RAI1: variants seen among roughly 807,000 people sequenced by gnomAD.
RAI1 encodes retinoic acid induced 1.
Under a neutral mutation model 123.8 loss-of-function variants are expected in RAI1, and 9 were observed. The ratio of observed to expected loss-of-function variants is 0.07; its 90% CI spans 0.04 to 0.13. RAI1 has a LOEUF of 0.13. Among genes scored for constraint, RAI1 ranks in the 10% least tolerant of loss-of-function variants. RAI1 has a pLI of 1.00. For missense variants in RAI1, 2,256 were observed against 2,545.8 expected (o/e 0.89, Z 2.45); for synonymous variants, 1,231 against 1,127.3 (o/e 1.09, Z -1.84).
intron 2 of RAI1, among the ~76,000 whole-genome samples, chr17:17,754,737 G>C (rs1281986480): frequency 6.6e-6 from 1 of 152,216 alleles, no homozygotes; most frequent in Non-Finnish European, 1.5e-5. Context: ...AAGCGTTTTT[G>C]GGCAGTGGTT....
chr17:17,785,200 G>T (rs1217727689), intron 2 of RAI1, among the ~76,000 whole-genome samples: 3 of 152,226 alleles, frequency 2.0e-5, no homozygotes, highest in Non-Finnish European at 4.4e-5. Context: ...TAGGGGCTCT[G>T]GAGGAGACAG....
intron 2 of RAI1, among the ~76,000 whole-genome samples, chr17:17,761,777 G>C (rs2030706657): frequency 6.6e-6 from 1 of 152,156 alleles, no homozygotes; most frequent in Non-Finnish European, 1.5e-5. Context: ...CCAGGCCAAG[G>C]AGGCAGGGAC....
In RAI1 at chr17:17,796,912, C is replaced by A; in HGVS notation, c.3964C>A (p.Arg1322=). The A allele has an allele frequency of 1.2e-6, 2 of 1,613,400 alleles. No individual in the cohort carries two copies. Among genetic ancestry groups the A allele is most frequent in the Non-Finnish European group, 1.7e-6 (2 of 1,180,034 alleles). ...CATGAAGACCAAGGTGCTGCCACCC[C>A]GGAAGGGCCGGGGCCTGAAGCTGGA... ...GAMKTKVLPP[R]KGRGLKLEAI... Residue 1322 remains arginine (R), a synonymous_variant, in exon 3 of 6, where the codon CGG becomes AGG. Transcript: ENST00000353383. This position sits in a 1 kb window ranked among gnomAD's most constrained non-coding sequence, Gnocchi z 5.8.
At position 17,799,283 on chromosome 17, in the gene RAI1, G is replaced by T. The variant is rs568600534; in HGVS notation, c.5565+770G>T. 6.6e-6 allele frequency among the ~76,000 whole-genome samples: 1 copy of T among 152,150 alleles called. No homozygotes were observed. Among genetic ancestry groups the T allele is most frequent in the East Asian group, 1.9e-4 (1 of 5,196 alleles). On this transcript the variant is annotated intron_variant, in intron 3 of 5. Coordinates refer to ENST00000353383, the MANE Select transcript of RAI1 (RefSeq NM_030665.4). This position sits in a 1 kb window ranked among gnomAD's most constrained non-coding sequence, Gnocchi z 4.5. Reference sequence around the variant, plus strand: ...GAGGAGGGGTCGGGAGGGTTAAAAGGTGGGCACCTCTGAGCCCACCGAGCA... The same window carrying T: ...GAGGAGGGGTCGGGAGGGTTAAAAGTTGGGCACCTCTGAGCCCACCGAGCA...
chr17:17,768,188 G>A (rs1210552417), intron 2 of RAI1, among the ~76,000 whole-genome samples: 1 of 152,150 alleles, frequency 6.6e-6, no homozygotes, highest in Non-Finnish European at 1.5e-5. Context: ...GACACTGTCA[G>A]GGGGTGGCAC....
In RAI1 at chr17:17,796,341, A is replaced by G. The variant is rs375972439; in HGVS notation, c.3393A>G (p.Thr1131=). Residue 1131 remains threonine, a synonymous_variant, in exon 3 of 6, where the codon ACA becomes ACG. Transcript: ENST00000353383. This position sits in a 1 kb window ranked among gnomAD's most constrained non-coding sequence, Gnocchi z 5.8. ...CGATGGGCTCCAAGACCAAGGAGAC[A>G]GACTCACCCAGCACGCCTGGCAAGG... The part of the protein sequence containing the change: ...SSPMGSKTKE[T]DSPSTPGKDQ... 1.2e-6 allele frequency: 2 copies of G among 1,613,428 alleles called. No individual in the cohort carries two copies. Among genetic ancestry groups the G allele is most frequent in the East Asian group, 4.5e-5 (2 of 44,868 alleles).
chr17:17,808,163 T>A (rs971788676), intron 4 of RAI1, among the ~76,000 whole-genome samples: 13 of 151,950 alleles, frequency 8.6e-5, no homozygotes, highest in African/African-American at 2.9e-4. Context: ...AGAAGGGGAC[T>A]AGAGACTGGG....
chr17:17,784,849 G>A, intron 2 of RAI1, among the ~76,000 whole-genome samples: 1 of 152,222 alleles, frequency 6.6e-6, no homozygotes, highest in East Asian at 1.9e-4. Context: ...GGAAGGCCCA[G>A]AGAATTTGGC....
At chr17:17,740,703 G>C in intron 2 of RAI1, among the ~76,000 whole-genome samples, 1 of 152,296 alleles carries the variant, frequency 6.6e-6, no homozygotes, top group Admixed American at 6.5e-5. Context: ...CAGGGAGGGA[G>C]GTCCAGGCAG....
chr17:17,776,766 C>G (rs1031610860), intron 2 of RAI1: 19 of 145,344 alleles, frequency 1.3e-4, no homozygotes, highest in African/African-American at 4.4e-4. Flanking sequence ...TGGGCTCAAG[C>G]AATCCTCCTA....
intron 1 of RAI1, among the ~76,000 whole-genome samples, chr17:17,683,096 T>C (rs1159697134): frequency 6.6e-6 from 1 of 152,198 alleles, no homozygotes; most frequent in African/African-American, 2.4e-5. Flanking sequence ...GTCTTTCCAA[T>C]GCAGTAGTGT....
chr17:17,761,195 G>C lies in RAI1; in HGVS notation c.-16-31738G>C, dbSNP rs569900692. 1.2e-3 allele frequency among the ~76,000 whole-genome samples: 177 copies of C among 152,150 alleles called. 1 individual carries two copies. Among genetic ancestry groups the C allele is most frequent in the South Asian group, 7.3e-3 (35 of 4,824 alleles). ...AGGCGACCCATATGTGAGTGCCTCA[G>C]CACAGGGACTGGCACATAGTAAGTG... is the stretch of plus-strand genomic sequence containing the variant. On this transcript the variant is annotated intron_variant, in intron 2 of 5. Transcript: ENST00000353383.
chr17:17,684,620 C>G (rs970559407), intron 1 of RAI1: 1 of 149,610 alleles, frequency 6.7e-6, no homozygotes, highest in East Asian at 2.0e-4. Flanking sequence ...CAGGTAACCC[C>G]AGTTAATAGT....
intron 1 of RAI1, among the ~76,000 whole-genome samples, chr17:17,719,316 C>T (rs932874421): frequency 7.2e-5 from 11 of 152,208 alleles, no homozygotes; most frequent in African/African-American, 2.7e-4. Flanking sequence ...TCTCTGCCCA[C>T]ATCTCTTTCT....
chr17:17,722,268 GATGA>G (rs971135489), intron 1 of RAI1, among the ~76,000 whole-genome samples: 6 of 152,162 alleles, frequency 3.9e-5, no homozygotes, highest in African/African-American at 9.7e-5. Flanking sequence ...CGGATGGATG[GATGA>G]ATGAATGAAT....
Position 17,801,245 on chromosome 17 carries a change from G to C in RAI1, c.5566-2511G>C, listed in dbSNP as rs1175400095. Among the ~76,000 whole-genome samples the C allele has an allele frequency of 6.6e-6, 1 of 152,148 alleles. No homozygotes were observed. The highest frequency in any genetic ancestry group is 2.4e-5 in the African/African-American group (1 of 41,426). On this transcript the variant is annotated intron_variant, in intron 3 of 5. Coordinates refer to ENST00000353383, the MANE Select transcript of RAI1 (RefSeq NM_030665.4). This position sits in a 1 kb window ranked among gnomAD's most constrained non-coding sequence, Gnocchi z 4.1. ...GGAGCCTGGCCATGGAATGCTTGGG[G>C]TGAGAGGGACCCATAGCGGGCTCCG... is the stretch of plus-strand genomic sequence containing the variant.
At chr17:17,744,789 CAAAAAAAAAA>C (rs58984430) in intron 2 of RAI1, among the ~76,000 whole-genome samples, 3 of 46,808 alleles carry the variant, frequency 6.4e-5, no homozygotes, top group Admixed American at 2.4e-4. Flanking sequence ...GACTCCGTCT[CAAAAAAAAAA>C]AAAAAAAAAA....
chr17:17,749,600 C>A (rs563922658), intron 2 of RAI1, among the ~76,000 whole-genome samples: 24 of 152,358 alleles, frequency 1.6e-4, no homozygotes, highest in East Asian at 5.8e-4. Context: ...TCTTCCCCCC[C>A]TCTTGGTACC....
At position 17,797,862 on chromosome 17, in the gene RAI1, C is replaced by G. The variant is rs2032321721; in HGVS notation, c.4914C>G (p.Ser1638=). The change falls in exon 3 of 6, where the codon TCC becomes TCG. Residue 1638 remains serine (S), a synonymous_variant. Coordinates refer to ENST00000353383, the MANE Select transcript of RAI1 (RefSeq NM_030665.4). ...SSSASSSSSS[S]SFSLDAAGAS... ...CTGCCTCCTCTTCCTCATCCTCGTC[C>G]TCGTTCTCCTTGGATGCAGCCGGGG... The G allele has an allele frequency of 6.2e-7, 1 of 1,614,018 alleles. No homozygotes were observed. Among genetic ancestry groups the G allele is most frequent in the African/African-American group, 1.3e-5 (1 of 75,022 alleles).
Sources: allele counts gnomAD v4.1 joint callset (sites outside exome capture counted in the v4.1 genomes callset), GRCh38; gene constraint gnomAD v4.1.1; non-coding constraint Gnocchi (gnomAD v3.1); transcripts MANE v1.5; gene names NCBI Gene and HGNC (gene_info 2026-07-23, HGNC 2026-07-21).